The following DLG2 variants were observed in gnomAD, a reference collection of about 807,000 sequenced individuals.
DLG2 encodes disks large homolog 2.
In DLG2, 45 loss-of-function variants were observed where a neutral mutation model predicts 132.5. The ratio of observed to expected loss-of-function variants is 0.34; its 90% confidence interval spans 0.27 to 0.44. The LOEUF (loss-of-function observed/expected upper bound fraction) is 0.44. Among genes scored for constraint, DLG2 ranks in the 20% least tolerant of loss-of-function variants. The pLI is 1.00. For synonymous variants in DLG2, 424 were observed against 419.6 expected, an observed-to-expected ratio of 1.01 and a Z score of -0.13; for missense variants, 1,045 against 1,196.9, an observed-to-expected ratio of 0.87 and a Z score of 1.87.
At chr11:85,157,300 C>T (rs925451154) in intron 4 of DLG2, among the ~76,000 whole-genome samples, 1 of 151,996 alleles carries the variant, frequency 6.6e-6, no homozygotes, top group African/African-American at 2.4e-5. Flanking sequence ...TCTAGAGGGA[C>T]AGAATATTAA....
Position 83,665,021 on chromosome 11 carries a change from A to G in DLG2, c.1826-31696T>C, listed in dbSNP as rs79190472. Among the ~76,000 whole-genome samples, 238 of 152,378 alleles carry G rather than the reference A, an allele frequency of 1.6e-3. 1 individual carries two copies. The highest frequency in any genetic ancestry group is 5.6e-3 in the African/African-American group (234 of 41,580). On this transcript the variant is annotated intron_variant, in intron 18 of 27. Transcript: ENST00000376104. ...TGACTATAGCAAGTGCTCAATAAAT[A>G]GAAATGTAGCACTTGATTAATCAAC...
At chr11:84,557,769 C>G (rs2099414858) in intron 6 of DLG2, among the ~76,000 whole-genome samples, 1 of 151,852 alleles carries the variant, frequency 6.6e-6, no homozygotes, top group South Asian at 2.1e-4. Flanking sequence ...TTTTGGTGCA[C>G]ATATGTAAAA....
chr11:84,235,653 A>C (rs1193219289), intron 8 of DLG2, among the ~76,000 whole-genome samples: 7 of 152,218 alleles, frequency 4.6e-5, no homozygotes, highest in Non-Finnish European at 1.0e-4. Flanking sequence ...GTAGCACTTC[A>C]ACCTTTTATT....
At chr11:84,817,307 G>C (rs1221513208) in intron 6 of DLG2, among the ~76,000 whole-genome samples, 1 of 151,900 alleles carries the variant, frequency 6.6e-6, no homozygotes, top group Non-Finnish European at 1.5e-5. Context: ...CAAAGCAAAA[G>C]GGCCCTCCTG....
At chr11:84,220,568 T>C (rs1444533968) in intron 8 of DLG2, among the ~76,000 whole-genome samples, 2 of 152,180 alleles carry the variant, frequency 1.3e-5, no homozygotes, top group African/African-American at 4.8e-5. Flanking sequence ...TCTATAATTT[T>C]ATGTGCTGAG....
At chr11:85,609,483 T>C (rs568724185) in intron 2 of DLG2, among the ~76,000 whole-genome samples, 4 of 152,136 alleles carry the variant, frequency 2.6e-5, no homozygotes, top group African/African-American at 9.6e-5. Context: ...GGTCAGAAAA[T>C]GGAGCAGGCC....
intron 19 of DLG2, among the ~76,000 whole-genome samples, chr11:83,549,830 A>C (rs561474245): frequency 1.3e-5 from 2 of 152,346 alleles, no homozygotes; most frequent in East Asian, 3.9e-4. Flanking sequence ...TTAGGAGTGC[A>C]GATTTCTAGT....
chr11:84,253,251 T>C (rs1373092666), intron 7 of DLG2, among the ~76,000 whole-genome samples: 1 of 152,038 alleles, frequency 6.6e-6, no homozygotes, highest in Non-Finnish European at 1.5e-5. Flanking sequence ...TCAAGGTTGG[T>C]TTAGCAACTT....
intron 5 of DLG2, among the ~76,000 whole-genome samples, chr11:85,150,316 G>A (rs1056388767): frequency 9.9e-5 from 15 of 151,830 alleles, no homozygotes; most frequent in East Asian, 1.9e-4. Context: ...CACCGTGCCC[G>A]GCCTCCGTTT....
chr11:84,283,481 GATTT>G (rs1167475615), intron 7 of DLG2, among the ~76,000 whole-genome samples: 2 of 152,148 alleles, frequency 1.3e-5, no homozygotes, highest in East Asian at 1.9e-4. Context: ...TAACTTTACT[GATTT>G]ATTTAACAAG....
chr11:84,973,928 G>T (rs1242726571), intron 6 of DLG2, among the ~76,000 whole-genome samples: 2 of 152,110 alleles, frequency 1.3e-5, no homozygotes, highest in African/African-American at 4.8e-5. Flanking sequence ...AACCATAAAA[G>T]CCATTCTTAG....
intron 6 of DLG2, among the ~76,000 whole-genome samples, chr11:84,684,158 C>T (rs892617054): frequency 1.3e-5 from 2 of 152,160 alleles, no homozygotes; most frequent in East Asian, 3.9e-4. Context: ...TTATTTTCTA[C>T]TTTGGCTACA....
intron 6 of DLG2, among the ~76,000 whole-genome samples, chr11:84,674,686 A>T (rs2099709427): frequency 6.6e-6 from 1 of 152,128 alleles, no homozygotes; most frequent in South Asian, 2.1e-4. Flanking sequence ...ATAACCTCTC[A>T]TTGACCTCCT....
chr11:84,784,143 C>CGA (rs2072362924), intron 6 of DLG2, among the ~76,000 whole-genome samples: 1 of 8,656 alleles, frequency 1.2e-4, no homozygotes, highest in African/African-American at 4.7e-4. Context: ...ACTAAAAATG[C>CGA]AAAAAAAAAA....
chr11:84,799,281 G>T (rs2075070422), intron 6 of DLG2, among the ~76,000 whole-genome samples: 1 of 152,152 alleles, frequency 6.6e-6, no homozygotes, highest in Non-Finnish European at 1.5e-5. Context: ...TTCTGGTCCA[G>T]ATGCTTTCTC....
At chr11:83,483,236 C>A in intron 22 of DLG2, 1 of 1,609,774 alleles carries the variant, frequency 6.2e-7, no homozygotes, top group Non-Finnish European at 8.5e-7. Flanking sequence ...TTACAGTGAC[C>A]ATTCCTGGAA....
At chr11:84,756,715 A>G in intron 6 of DLG2, among the ~76,000 whole-genome samples, 1 of 152,172 alleles carries the variant, frequency 6.6e-6, no homozygotes, top group East Asian at 1.9e-4. Flanking sequence ...ACACAAATTC[A>G]TAAACTTTCT....
chr11:85,461,991 G>C (rs2092630545), intron 3 of DLG2, among the ~76,000 whole-genome samples: 1 of 152,224 alleles, frequency 6.6e-6, no homozygotes, highest in East Asian at 1.9e-4. Flanking sequence ...GTGGGCAAAG[G>C]ATATTAACAG....
At chr11:85,001,966 A>T (rs2058254416) in intron 6 of DLG2, among the ~76,000 whole-genome samples, 1 of 152,120 alleles carries the variant, frequency 6.6e-6, no homozygotes, top group South Asian at 2.1e-4. Flanking sequence ...CTTCCCTAAA[A>T]AATAAATTCT....
Sources: allele counts gnomAD v4.1 joint callset (sites outside exome capture counted in the v4.1 genomes callset), GRCh38; gene constraint gnomAD v4.1.1; transcripts MANE v1.5; gene names NCBI Gene and HGNC (gene_info 2026-07-23, HGNC 2026-07-21).